The following MAGI3 variants were observed in gnomAD, a reference collection of about 807,000 sequenced individuals.
MAGI3 encodes membrane associated guanylate kinase, WW and PDZ domain containing 3.
A neutral mutation model predicts 121.8 loss-of-function variants in MAGI3; 43 were observed. The observed-to-expected ratio is 0.35, with a 90% CI of 0.28 to 0.46. MAGI3 has a LOEUF of 0.46. MAGI3 is among the 20% of genes least tolerant of loss of function. MAGI3 has a pLI of 1.00. For missense variants in MAGI3, 1,547 were observed against 1,797.3 expected (o/e 0.86, Z 2.52); for synonymous variants, 553 against 639.3 (o/e 0.86, Z 2.04).
intron 15 of MAGI3, among the ~76,000 whole-genome samples, chr1:113,655,995 G>C (rs944783202): frequency 6.6e-6 from 1 of 152,124 alleles, no homozygotes; most frequent in African/African-American, 2.4e-5. Flanking sequence ...TTAATAATGA[G>C]ATAGGAAAGA....
At chr1:113,675,639 T>C (rs1230659) in intron 19 of MAGI3, among the ~76,000 whole-genome samples, 116,806 of 152,074 alleles carry the variant, frequency 0.77, 45,901 homozygotes, top group African/African-American at 0.91. Context: ...AGAGAGTACT[T>C]AGCCAAGGGC....
At chr1:113,601,463 A>G (rs1471177910) in intron 6 of MAGI3, among the ~76,000 whole-genome samples, 5 of 148,634 alleles carry the variant, frequency 3.4e-5, no homozygotes, top group African/African-American at 9.9e-5. Flanking sequence ...CAAAAAACAC[A>G]TGAAAAAATG....
intron 1 of MAGI3, among the ~76,000 whole-genome samples, chr1:113,402,525 G>A (rs1475214181): frequency 2.0e-5 from 3 of 152,052 alleles, no homozygotes; most frequent in African/African-American, 7.2e-5. Context: ...TTTCTGAATA[G>A]TTCCTGCTAT....
At chr1:113,659,527 G>A (rs1653670790) in intron 16 of MAGI3, among the ~76,000 whole-genome samples, 1 of 152,228 alleles carries the variant, frequency 6.6e-6, no homozygotes, top group South Asian at 2.1e-4. Flanking sequence ...ACCCAGAAGT[G>A]AAAGAGACTG....
intron 1 of MAGI3, among the ~76,000 whole-genome samples, chr1:113,412,831 T>A (rs1241070140): frequency 1.3e-5 from 2 of 152,228 alleles, no homozygotes; most frequent in Non-Finnish European, 2.9e-5. Flanking sequence ...GTAGGTTGCC[T>A]GTTCACTCTG....
intron 1 of MAGI3, among the ~76,000 whole-genome samples, chr1:113,544,115 A>C (rs139455381): frequency 1.9e-3 from 297 of 152,328 alleles, no homozygotes; most frequent in African/African-American, 6.6e-3. Flanking sequence ...TTTTATTTTT[A>C]CAAAGAAGTA....
intron 1 of MAGI3, among the ~76,000 whole-genome samples, chr1:113,535,502 C>G (rs1658930594): frequency 6.6e-6 from 1 of 151,950 alleles, no homozygotes; most frequent in African/African-American, 2.4e-5. Context: ...CATTATAAAT[C>G]AGTAGTTGAA....
intron 9 of MAGI3, among the ~76,000 whole-genome samples, chr1:113,634,126 C>G (rs1009909688): frequency 1.3e-5 from 2 of 152,108 alleles, no homozygotes; most frequent in South Asian, 2.1e-4. Context: ...ATTGTAGATT[C>G]TGGATATTAG....
chr1:113,504,556 A>C lies in MAGI3; in HGVS notation c.317-44959A>C, dbSNP rs534175671. On this transcript the variant is annotated intron_variant, in intron 1 of 20. Coordinates refer to ENST00000307546, the MANE Select transcript of MAGI3 (RefSeq NM_001142782.2). ...TGTCAAAGATTAAAATAGTCAAAAC[A>C]CTTACTACTTTGGCATGGGGATGTG... 2.1e-3 allele frequency among the ~76,000 whole-genome samples: 321 copies of C among 152,230 alleles called. 1 individual carries two copies. Among genetic ancestry groups the C allele is most frequent in the African/African-American group, 7.2e-3 (298 of 41,580 alleles).
intron 2 of MAGI3, among the ~76,000 whole-genome samples, chr1:113,570,850 C>A (rs1055098431): frequency 3.3e-5 from 5 of 152,130 alleles, no homozygotes; most frequent in African/African-American, 1.2e-4. Flanking sequence ...GTTGCCTGTT[C>A]ACTCTGATGA....
chr1:113,651,796 T>G (rs1653184302), intron 14 of MAGI3, among the ~76,000 whole-genome samples: 2 of 152,306 alleles, frequency 1.3e-5, no homozygotes, highest in African/African-American at 4.8e-5. Flanking sequence ...CAGCCTAAAT[T>G]TGTTTTGTTT....
intron 1 of MAGI3, among the ~76,000 whole-genome samples, chr1:113,457,715 T>G (rs1347427265): frequency 6.6e-6 from 1 of 152,060 alleles, no homozygotes; most frequent in Non-Finnish European, 1.5e-5. Flanking sequence ...ATAAGATAAA[T>G]TTAATTATAA....
At chr1:113,634,812 A>G (rs1322629566) in intron 9 of MAGI3, among the ~76,000 whole-genome samples, 6 of 152,142 alleles carry the variant, frequency 3.9e-5, no homozygotes, top group African/African-American at 1.4e-4. Context: ...GAATCTATAA[A>G]TTACCTTGGT....
intron 1 of MAGI3, among the ~76,000 whole-genome samples, chr1:113,529,708 A>G (rs865833124): frequency 6.6e-5 from 10 of 152,192 alleles, no homozygotes; most frequent in African/African-American, 1.9e-4. Flanking sequence ...TTTTTAATAT[A>G]TATCTCTCCT....
chr1:113,508,563 C>G (rs1490815649), intron 1 of MAGI3, among the ~76,000 whole-genome samples: 2 of 152,176 alleles, frequency 1.3e-5, no homozygotes, highest in Admixed American at 1.3e-4. Flanking sequence ...TTTCTGACAG[C>G]TATGGAGGAT....
At chr1:113,682,335 CTTTTG>C in intron 20 of MAGI3, 1 of 1,563,782 alleles carries the variant, frequency 6.4e-7, no homozygotes, top group Non-Finnish European at 8.6e-7. Context: ...TCACTTTCTT[CTTTTG>C]TTTTCTTTTA....
At chr1:113,456,648 A>ATTT (rs1654774072) in intron 1 of MAGI3, among the ~76,000 whole-genome samples, 1 of 152,246 alleles carries the variant, frequency 6.6e-6, no homozygotes, top group Non-Finnish European at 1.5e-5. Context: ...CCACATGGTG[A>ATTT]TCTTAATGCC....
rs568385582 is a variant in MAGI3 at position 113,497,086 on chromosome 1, C to T, written c.317-52429C>T. Among the ~76,000 whole-genome samples the T allele has an allele frequency of 7.2e-5, 11 of 152,236 alleles. No homozygotes were observed. In the South Asian group the frequency reaches 8.3e-4, roughly 11 times the overall value. On this transcript the variant is annotated intron_variant, in intron 1 of 20. Coordinates refer to ENST00000307546, the MANE Select transcript of MAGI3 (RefSeq NM_001142782.2). ...CAACCTGGGCAACGTGGGGAGAGCCCGTTTCTACAAAAATACAAAAATTAG... is the reference window on the plus strand; with the variant it reads ...CAACCTGGGCAACGTGGGGAGAGCCTGTTTCTACAAAAATACAAAAATTAG...
Position 113,471,447 on chromosome 1 carries a change from C to T in MAGI3, c.317-78068C>T, listed in dbSNP as rs964980303. Among the ~76,000 whole-genome samples the T allele has an allele frequency of 3.9e-5, 6 of 152,100 alleles. No homozygotes were observed. The South Asian group carries it at 1.2e-3, about 32-fold the overall frequency. Reference sequence around the variant, plus strand: ...AAAATGGAAACACAACATACCAAAACTTAAGGGATGCAGCAGAAGCCTTTC... The same window carrying T: ...AAAATGGAAACACAACATACCAAAATTTAAGGGATGCAGCAGAAGCCTTTC... On this transcript the variant is annotated intron_variant, in intron 1 of 20. Coordinates refer to ENST00000307546, the MANE Select transcript of MAGI3 (RefSeq NM_001142782.2).
Sources: allele counts gnomAD v4.1 joint callset (sites outside exome capture counted in the v4.1 genomes callset), GRCh38; gene constraint gnomAD v4.1.1; transcripts MANE v1.5; gene names NCBI Gene and HGNC (gene_info 2026-07-23, HGNC 2026-07-21).